Variants in METTL15 observed in about 807,000 individuals in gnomAD.
METTL15 encodes 12S rRNA N(4)-cytidine methyltransferase METTL15.
Under a neutral mutation model 38.3 loss-of-function variants are expected in METTL15, and 34 were observed. The ratio of observed to expected loss-of-function variants is 0.89; its 90% CI spans 0.68 to 1.18. The LOEUF (loss-of-function observed/expected upper bound fraction) is 1.18. Among genes scored for constraint, METTL15 ranks in the 50% most tolerant of loss-of-function variants. The pLI is 0.00. For missense variants in METTL15, 438 were observed against 498.4 expected, an observed-to-expected ratio of 0.88 and a Z score of 1.15; for synonymous variants, 162 against 170.9, an observed-to-expected ratio of 0.95 and a Z score of 0.41.
At chr11:28,496,800 T>G (rs1218889568) in intron 6 of METTL15, among the ~76,000 whole-genome samples, 3 of 152,230 alleles carry the variant, frequency 2.0e-5, no homozygotes, top group Admixed American at 6.5e-5. Context: ...ATGTATGCAA[T>G]CTGTATGGTC....
chr11:28,235,530 T>G (rs1853915955), intron 4 of METTL15, among the ~76,000 whole-genome samples: 1 of 152,208 alleles, frequency 6.6e-6, no homozygotes, highest in African/African-American at 2.4e-5. Context: ...ACGTCCCTTG[T>G]AAGTTGGATT....
chr11:28,287,082 C>T (rs1856298601), intron 4 of METTL15, among the ~76,000 whole-genome samples: 1 of 149,692 alleles, frequency 6.7e-6, no homozygotes, highest in South Asian at 2.1e-4. Flanking sequence ...TGTACATGCA[C>T]ACACACACAC....
At chr11:28,155,546 A>T (rs1244761700) in intron 3 of METTL15, among the ~76,000 whole-genome samples, 1 of 152,090 alleles carries the variant, frequency 6.6e-6, no homozygotes, top group Non-Finnish European at 1.5e-5. Flanking sequence ...GTCTGAATTA[A>T]TGGCTTATGG....
intron 6 of METTL15, among the ~76,000 whole-genome samples, chr11:28,507,637 C>G (rs1444948416): frequency 6.6e-6 from 1 of 152,164 alleles, no homozygotes; most frequent in Admixed American, 6.5e-5. Context: ...TTCAAAAAAT[C>G]TCCCCTACTC....
chr11:28,459,993 A>G (rs1036569049), intron 6 of METTL15, among the ~76,000 whole-genome samples: 2 of 152,004 alleles, frequency 1.3e-5, no homozygotes, highest in Non-Finnish European at 1.5e-5. Context: ...CCATTTATTT[A>G]TGTGTTTTTG....
At chr11:28,382,935 G>GGATATT (rs1850404010) in intron 5 of METTL15, among the ~76,000 whole-genome samples, 2 of 149,430 alleles carry the variant, frequency 1.3e-5, no homozygotes, top group African/African-American at 4.9e-5. Flanking sequence ...TTGAATTCTG[G>GGATATT]GATATTGGTG....
At chr11:28,429,519 C>G (rs1459479504) in intron 6 of METTL15, among the ~76,000 whole-genome samples, 4 of 125,468 alleles carry the variant, frequency 3.2e-5, no homozygotes, top group African/African-American at 1.2e-4. Flanking sequence ...AGGCACGCGC[C>G]GCCACGCCTG....
At chr11:28,403,889 C>T (rs553405913) in intron 5 of METTL15, among the ~76,000 whole-genome samples, 1 of 152,018 alleles carries the variant, frequency 6.6e-6, no homozygotes, top group African/African-American at 2.4e-5. Context: ...AAAAATGACT[C>T]TAAATAGCTT....
intron 6 of METTL15, among the ~76,000 whole-genome samples, chr11:28,499,789 A>T (rs1851566823): frequency 1.3e-5 from 2 of 152,282 alleles, no homozygotes; most frequent in South Asian, 4.1e-4. Context: ...TCAGTGTCCA[A>T]GTTTCTTGGG....
intron 5 of METTL15, among the ~76,000 whole-genome samples, chr11:28,422,237 A>C (rs894906200): frequency 1.3e-5 from 2 of 152,094 alleles, no homozygotes; most frequent in African/African-American, 4.8e-5. Context: ...TGGAAGAATC[A>C]ATATTGTTAA....
At chr11:28,215,666 G>A (rs2133849984) in intron 4 of METTL15, among the ~76,000 whole-genome samples, 1 of 152,190 alleles carries the variant, frequency 6.6e-6, no homozygotes, top group Non-Finnish European at 1.5e-5. Context: ...AAACTATAAT[G>A]TTTTTGAAGG....
intron 5 of METTL15, among the ~76,000 whole-genome samples, chr11:28,386,102 CTATAGAAGA>C (rs1342355087): frequency 6.6e-6 from 1 of 151,640 alleles, no homozygotes; most frequent in Non-Finnish European, 1.5e-5. Flanking sequence ...AAATAAATAC[CTATAGAAGA>C]TATACACAGA....
chr11:28,246,585 A>C (rs1245517345), intron 4 of METTL15, among the ~76,000 whole-genome samples: 3 of 152,180 alleles, frequency 2.0e-5, no homozygotes, highest in Non-Finnish European at 4.4e-5. Flanking sequence ...AGTGCTATGT[A>C]AGTGTTACCT....
At chr11:28,115,573 ATATGT>A (rs1163251378) in intron 3 of METTL15, among the ~76,000 whole-genome samples, 3 of 152,200 alleles carry the variant, frequency 2.0e-5, no homozygotes, top group African/African-American at 4.8e-5. Flanking sequence ...CACATATTTC[ATATGT>A]TATGTGTATT....
chr11:28,464,343 G>A (rs1392135839), intron 6 of METTL15, among the ~76,000 whole-genome samples: 1 of 152,148 alleles, frequency 6.6e-6, no homozygotes, highest in Non-Finnish European at 1.5e-5. Context: ...AATATTTTTG[G>A]CTTTGTGGGC....
At position 28,235,388 on chromosome 11, in the gene METTL15, A is replaced by T. The variant is rs571775809; in HGVS notation, c.407+24190A>T. On this transcript the variant is annotated intron_variant, in intron 4 of 6. Coordinates refer to ENST00000407364, the MANE Select transcript of METTL15 (RefSeq NM_001113528.2). ...GGGGATGGCATTGAATCTATAAATT[A>T]CCTTGGGCAGTATGGCCATTTTCAC... Among the ~76,000 whole-genome samples the T allele has an allele frequency of 6.6e-5, 10 of 151,988 alleles. No homozygotes were observed. In the South Asian group the frequency reaches 2.1e-3, roughly 32 times the overall value.
chr11:28,330,309 C>T, intron 6 of METTL15, 87 bp from the exon 7 acceptor site: 1 of 1,198,928 alleles, frequency 8.3e-7, no homozygotes, highest in South Asian at 1.7e-5. Flanking sequence ...ACTAAATATG[C>T]ACACAACTAC....
At chr11:28,398,095 G>A (rs556706926) in intron 5 of METTL15, among the ~76,000 whole-genome samples, 1 of 152,058 alleles carries the variant, frequency 6.6e-6, no homozygotes, top group East Asian at 1.9e-4. Flanking sequence ...TTGTGGGGTG[G>A]GGGGAGGTGG....
Position 28,236,359 on chromosome 11 carries a change from T to C in METTL15, c.407+25161T>C, listed in dbSNP as rs561552384. Among the ~76,000 whole-genome samples, 815 of 152,276 alleles carry C rather than the reference T, an allele frequency of 5.4e-3. 8 individuals are homozygous for C. Among genetic ancestry groups the C allele is most frequent in the Non-Finnish European group, 7.5e-3 (512 of 68,024 alleles). ...GGAGGATTCCCTCTTTTTCTATTGA[T>C]TGGAATAGTTTCAGAAGGAATGGTA... On this transcript the variant is annotated intron_variant, in intron 4 of 6. Transcript: ENST00000407364.
Sources: gnomAD v4.1 joint callset for allele counts (sites outside exome capture counted in the v4.1 genomes callset) on GRCh38, gnomAD v4.1.1 for gene constraint, MANE v1.5 for transcripts, NCBI Gene and HGNC (gene_info 2026-07-23, HGNC 2026-07-21) for gene names.